The following PDXDC1 variants were observed in gnomAD, a reference collection of about 807,000 sequenced individuals.
PDXDC1 encodes the protein pyridoxal-dependent decarboxylase domain-containing protein 1.
In PDXDC1, 42 loss-of-function variants were observed where a neutral mutation model predicts 100.1. That is an observed-to-expected ratio of 0.42 (90% confidence interval 0.33 to 0.54). The LOEUF (loss-of-function observed/expected upper bound fraction) is 0.54, where lower values mean the gene tolerates loss of function less well. Ranked by LOEUF, PDXDC1 falls within the 20% of genes least tolerant of loss-of-function variation. The pLI, the probability that PDXDC1 is intolerant of heterozygous loss-of-function variation, is 0.10. For synonymous variants in PDXDC1, 260 were observed against 371.7 expected (o/e 0.70, Z 3.46); for missense variants, 636 against 979.2 (o/e 0.65, Z 4.68).
chr16:15,132,981 G>C, intron 16 of PDXDC1: 1 of 1,529,160 alleles, frequency 6.5e-7, no homozygotes, highest in East Asian at 2.3e-5. Context: ...GATGCTGTGT[G>C]ATGTGGGCAT....
chr16:15,127,555 G>T (rs752163943), intron 16 of PDXDC1: 18 of 1,293,480 alleles, frequency 1.4e-5, no homozygotes, highest in Middle Eastern at 2.6e-4. Context: ...AACAGCGACT[G>T]TGTCGACGCT....
At chr16:14,975,847 T>C (rs1396571877) in intron 1 of PDXDC1, among the ~76,000 whole-genome samples, 1 of 152,294 alleles carries the variant, frequency 6.6e-6, no homozygotes, top group African/African-American at 2.4e-5. Context: ...ATGCTGAGCC[T>C]GCGATCACCG....
intron 1 of PDXDC1, among the ~76,000 whole-genome samples, chr16:14,985,540 C>T (rs1969172311): frequency 6.6e-6 from 1 of 152,252 alleles, no homozygotes; most frequent in South Asian, 2.1e-4. Flanking sequence ...CTGCCTCGGC[C>T]TCCCAAAGTG....
chr16:15,141,073 C>T (rs2048466735), downstream of PDXDC1, among the ~76,000 whole-genome samples: 1 of 150,444 alleles, frequency 6.6e-6, no homozygotes, highest in Admixed American at 6.6e-5. Flanking sequence ...AGCACCCGCC[C>T]AGCCCCTGCC....
chr16:15,127,405 T>G, intron 16 of PDXDC1: 1 of 1,330,656 alleles, frequency 7.5e-7, no homozygotes, highest in Non-Finnish European at 1.0e-6. Context: ...AAGTGGCGGC[T>G]CTGGGCATGG....
At chr16:15,017,889 G>A (rs2041912394) in intron 11 of PDXDC1, among the ~76,000 whole-genome samples, 1 of 152,168 alleles carries the variant, frequency 6.6e-6, no homozygotes, top group Non-Finnish European at 1.5e-5. Context: ...CCACCTCCTG[G>A]GTTCAAGTGA....
chr16:15,067,371 A>G (rs2045023462), intron 16 of PDXDC1, among the ~76,000 whole-genome samples: 1 of 109,654 alleles, frequency 9.1e-6, no homozygotes, highest in African/African-American at 2.8e-5. Context: ...CTATGACTTT[A>G]GGCAAGTGAT....
chr16:15,029,866 G>A, intron 15 of PDXDC1, 85 bp from the exon 16 acceptor site: 1 of 1,276,370 alleles, frequency 7.8e-7, no homozygotes, highest in Non-Finnish European at 1.1e-6. Context: ...AGGCTCTTTG[G>A]TCTGGGGCCG....
At chr16:15,132,402 AAGGGGCAGGGG>A (rs1430931526) in intron 16 of PDXDC1, among the ~76,000 whole-genome samples, 1 of 35,570 alleles carries the variant, frequency 2.8e-5, no homozygotes, top group African/African-American at 1.2e-4. Flanking sequence ...TAGGGGAGGG[AAGGGGCAGGGG>A]AGGGGCTAGG....
intron 8 of PDXDC1, among the ~76,000 whole-genome samples, chr16:15,014,206 CAAAA>C (rs199890384): frequency 6.9e-6 from 1 of 144,232 alleles, no homozygotes. Flanking sequence ...GACTCTGTCT[CAAAA>C]AAAAAAAAAA....
chr16:15,044,245 GT>G, intron 16 of PDXDC1: 1 of 875,332 alleles, frequency 1.1e-6, no homozygotes, highest in South Asian at 1.4e-5. Flanking sequence ...CCCTTCTTGG[GT>G]TTTGTACCAA....
chr16:15,135,622 T>C (rs1480159163), intron 16 of PDXDC1: 25 of 1,557,468 alleles, frequency 1.6e-5, no homozygotes, highest in Non-Finnish European at 2.0e-5. Context: ...GTGAGGGGCA[T>C]GGAGGACGGC....
intron 5 of PDXDC1, among the ~76,000 whole-genome samples, chr16:15,005,304 C>CAAAAAAAA (rs74858191): frequency 1.6e-4 from 9 of 54,672 alleles, no homozygotes; most frequent in Non-Finnish European, 2.4e-4. Flanking sequence ...GACTCTGTCT[C>CAAAAAAAA]AAAAAAAAAA....
chr16:15,130,158 C>T (rs933094031), intron 16 of PDXDC1: 4 of 1,434,840 alleles, frequency 2.8e-6, no homozygotes, highest in Non-Finnish European at 3.8e-6. Flanking sequence ...CACCCAGGCC[C>T]TCCTCGACTC....
chr16:15,131,300 C>A (rs1285383234), intron 16 of PDXDC1: 2 of 1,574,648 alleles, frequency 1.3e-6, no homozygotes, highest in Non-Finnish European at 8.6e-7. Context: ...TGGGCGCCGG[C>A]CTGTGTCTGG....
intron 1 of PDXDC1, among the ~76,000 whole-genome samples, chr16:14,994,629 T>C (rs1342868811): frequency 6.6e-6 from 1 of 152,294 alleles, no homozygotes; most frequent in East Asian, 1.9e-4. Flanking sequence ...GTGGGCTCTT[T>C]TTTGGTTCCA....
intron 1 of PDXDC1, among the ~76,000 whole-genome samples, chr16:14,976,209 C>T (rs1966818946): frequency 1.3e-5 from 2 of 152,294 alleles, no homozygotes; most frequent in South Asian, 4.1e-4. Context: ...GCTTGGGAGT[C>T]TGCTTGTCCA....
At chr16:15,135,794 A>C in intron 16 of PDXDC1, 1 of 1,563,356 alleles carries the variant, frequency 6.4e-7, no homozygotes, top group African/African-American at 1.3e-5. Context: ...AGTGATGGGC[A>C]CCAGGCGCTC....
chr16:15,024,072 T>C (rs888404392), intron 13 of PDXDC1, among the ~76,000 whole-genome samples: 5 of 152,288 alleles, frequency 3.3e-5, no homozygotes, highest in East Asian at 1.9e-4. Context: ...TATTCTCAAA[T>C]TGGGGGACCC....
Sources: allele counts gnomAD v4.1 joint callset (sites outside exome capture counted in the v4.1 genomes callset), GRCh38; gene constraint gnomAD v4.1.1; transcripts MANE v1.5; gene names NCBI Gene and HGNC (gene_info 2026-07-23, HGNC 2026-07-21).